Variants in GMPR observed in about 807,000 individuals in gnomAD.
GMPR encodes the protein guanosine monophosphate reductase, also known as GMP reductase 1.
Under a neutral mutation model 38.4 loss-of-function variants are expected in GMPR, and 31 were observed. That is an observed-to-expected ratio of 0.81 (90% confidence interval 0.61 to 1.09). The LOEUF (loss-of-function observed/expected upper bound fraction) is 1.09, where lower values mean the gene tolerates loss of function less well. GMPR is among the 50% of genes least tolerant of loss of function. The pLI, the probability that GMPR is intolerant of heterozygous loss-of-function variation, is 0.00. For synonymous variants in GMPR, 162 were observed against 173.3 expected, an observed-to-expected ratio of 0.93 and a Z score of 0.51; for missense variants, 468 against 453.7, an observed-to-expected ratio of 1.03 and a Z score of -0.29.
rs1182830869 is a variant in GMPR, at chr6:16,238,605, G to T, written c.-89G>T. On this transcript the variant is annotated 5_prime_UTR_variant, in exon 1 of 9. Transcript: ENST00000259727. ...CCGGCCCACGCCAGCTCCCGGCCGC[G>T]GCACAGCAGCCCCGGCGCTCCCCGC... 2.2e-5 allele frequency: 7 copies of T among 316,024 alleles called. No individual in the cohort carries two copies. Among genetic ancestry groups the T allele is most frequent in the Non-Finnish European group, 3.3e-5 (7 of 210,316 alleles). The allele number at this position is 316,024 out of a possible 1,614,324, so 19.6% of individuals were successfully genotyped here.
rs760576826 is a variant in GMPR at position 16,244,210 on chromosome 6, C to CT, written c.88-2613dup. 9.7e-3 allele frequency among the ~76,000 whole-genome samples: 1,147 copies of CT among 118,742 alleles called. 12 individuals are homozygous for CT. The highest frequency in any genetic ancestry group is 0.016 in the African/African-American group (520 of 31,946). 77.9% of individuals were successfully genotyped at this position (118,742 alleles called of 152,430 possible). A position where few individuals can be genotyped will look rare whatever the true frequency, so the allele number is the denominator to read the frequency against. On this transcript the variant is annotated intron_variant, in intron 1 of 8. Coordinates refer to ENST00000259727, the MANE Select transcript of GMPR (RefSeq NM_006877.4). ...TGTGGTAGGTTGTCCTCTATTTGTACTTTTTTTTTTTTTTTTTTTGAGACA... is the reference window on the plus strand; with the variant it reads ...TGTGGTAGGTTGTCCTCTATTTGTACTTTTTTTTTTTTTTTTTTTTGAGACA...
intron 1 of GMPR, among the ~76,000 whole-genome samples, chr6:16,238,993 C>G (rs975325427): frequency 5.9e-5 from 9 of 152,088 alleles, no homozygotes; most frequent in African/African-American, 2.2e-4. Context: ...CTCTACACGT[C>G]GGTCCCGTTG....
chr6:16,253,617 G>T (rs1236607127), intron 3 of GMPR, among the ~76,000 whole-genome samples: 1 of 107,224 alleles, frequency 9.3e-6, no homozygotes, highest in Non-Finnish European at 1.9e-5. Context: ...CACCTCCACT[G>T]GGGGGGGGTC....
At chr6:16,286,755 A>T (rs903874532) in intron 7 of GMPR, among the ~76,000 whole-genome samples, 2 of 151,876 alleles carry the variant, frequency 1.3e-5, no homozygotes, top group Non-Finnish European at 2.9e-5. Context: ...ATACAAAAAA[A>T]AATACCGGGG....
intron 1 of GMPR, 149 bp downstream of exon 1, chr6:16,238,929 C>T (rs1758591639): frequency 2.7e-6 from 1 of 371,010 alleles, no homozygotes; most frequent in Non-Finnish European, 5.1e-6. Context: ...CGCCCCAGCA[C>T]CTGCCAGGAC....
At chr6:16,250,255 C>T in intron 2 of GMPR, 29 bp from the exon 3 acceptor site, 1 of 1,320,182 alleles carries the variant, frequency 7.6e-7, no homozygotes, top group Non-Finnish European at 1.1e-6. Context: ...CTTGGCTTCC[C>T]ATCCTAATGG....
chr6:16,270,511 C>T (rs1759362540), intron 4 of GMPR, among the ~76,000 whole-genome samples: 1 of 152,246 alleles, frequency 6.6e-6, no homozygotes. Context: ...TTCCTGGCCC[C>T]TGTTATCACA....
At chr6:16,240,333 G>T (rs9477071) in intron 1 of GMPR, among the ~76,000 whole-genome samples, 11 of 152,100 alleles carry the variant, frequency 7.2e-5, no homozygotes, top group African/African-American at 2.7e-4. Flanking sequence ...CCAGGAGTTC[G>T]AGGCCAGCCT....
intron 1 of GMPR, among the ~76,000 whole-genome samples, chr6:16,242,208 C>A (rs560204522): frequency 6.6e-6 from 1 of 152,112 alleles, no homozygotes; most frequent in Non-Finnish European, 1.5e-5. Context: ...CCAGCAGTCC[C>A]GTGAGAAGAG....
At position 16,293,016 on chromosome 6, in the gene GMPR, GTCTC is replaced by G. The variant is rs58570071; in HGVS notation, c.858-1970_858-1967del. On this transcript the variant is annotated intron_variant, in intron 8 of 8. Coordinates refer to ENST00000259727, the MANE Select transcript of GMPR (RefSeq NM_006877.4). Reference sequence around the variant, plus strand: ...CTGCACCTGTCTTACCTCTGTCTGAGTCTCTCTCTCTCTCTCTCTCTCTTAGTTT... The same window carrying G: ...CTGCACCTGTCTTACCTCTGTCTGAGTCTCTCTCTCTCTCTCTCTTAGTTT... 4.6e-3 allele frequency among the ~76,000 whole-genome samples: 687 copies of G among 149,886 alleles called. 4 individuals are homozygous for G. Among genetic ancestry groups the G allele is most frequent in the African/African-American group, 0.015 (602 of 41,042 alleles).
intron 2 of GMPR, among the ~76,000 whole-genome samples, chr6:16,247,699 C>T (rs1293143907): frequency 6.6e-6 from 1 of 152,110 alleles, no homozygotes; most frequent in Non-Finnish European, 1.5e-5. Context: ...CTTGACGCAA[C>T]TCAACAAGAT....
chr6:16,241,001 T>C (rs1281727462), intron 1 of GMPR, among the ~76,000 whole-genome samples: 2 of 152,034 alleles, frequency 1.3e-5, no homozygotes, highest in African/African-American at 4.8e-5. Context: ...GGGATCTAGT[T>C]AGGCCTCCCT....
At chr6:16,279,071 A>C (rs975133251) in intron 6 of GMPR, among the ~76,000 whole-genome samples, 181 bp downstream of exon 6, 1 of 152,212 alleles carries the variant, frequency 6.6e-6, no homozygotes, top group African/African-American at 2.4e-5. Context: ...TGAGGGTGGC[A>C]GGCCCAGTAG....
intron 7 of GMPR, among the ~76,000 whole-genome samples, chr6:16,288,469 G>T (rs1433371335): frequency 6.6e-6 from 1 of 152,208 alleles, no homozygotes; most frequent in East Asian, 1.9e-4. Flanking sequence ...TGGATTTCTG[G>T]CTGGGCCTTA....
chr6:16,264,165 C>G (rs1386340075), intron 4 of GMPR, among the ~76,000 whole-genome samples: 1 of 151,974 alleles, frequency 6.6e-6, no homozygotes, highest in Non-Finnish European at 1.5e-5. Context: ...TAGTCTGTGA[C>G]CGGCGCCGGA....
In GMPR at chr6:16,286,593, G is replaced by GT. The variant is rs763236664; in HGVS notation, c.697+765dup. 2.4e-4 allele frequency among the ~76,000 whole-genome samples: 37 copies of GT among 152,044 alleles called. 1 individual carries two copies. The highest frequency in any genetic ancestry group is 3.5e-4 in the Non-Finnish European group (24 of 67,988). On this transcript the variant is annotated intron_variant, in intron 7 of 8. Transcript: ENST00000259727. ...GGAAACTTTATGTCATAGGAATTCT[G>GT]TTTTTTTGTTTTTTGGTTTTTGTTT...
intron 1 of GMPR, 131 bp downstream of exon 1, chr6:16,238,911 C>A: frequency 2.7e-6 from 1 of 365,544 alleles, no homozygotes; most frequent in Non-Finnish European, 5.1e-6. Context: ...GCTGCGCCCC[C>A]GTTCCCGCGC....
At chr6:16,274,641 A>T in intron 5 of GMPR, 145 bp downstream of exon 5, 1 of 595,360 alleles carries the variant, frequency 1.7e-6, no homozygotes, top group Non-Finnish European at 3.0e-6. Context: ...AGCATAATTG[A>T]GCTTCTCGGG....
chr6:16,260,687 A>G (rs962577066), intron 4 of GMPR, among the ~76,000 whole-genome samples: 70 of 152,030 alleles, frequency 4.6e-4, no homozygotes, highest in African/African-American at 1.6e-3. Context: ...GGCTTGTACT[A>G]TAGCATAGCC....
Sources: allele counts gnomAD v4.1 joint callset (sites outside exome capture counted in the v4.1 genomes callset), GRCh38; gene constraint gnomAD v4.1.1; transcripts MANE v1.5; gene names NCBI Gene and HGNC (gene_info 2026-07-23, HGNC 2026-07-21).